AGPAT4: variants seen among roughly 807,000 people sequenced by gnomAD.
AGPAT4 encodes the protein 1-acylglycerol-3-phosphate O-acyltransferase 4.
A neutral mutation model predicts 48.0 loss-of-function variants in AGPAT4; 15 were observed. That is an observed-to-expected ratio of 0.31 (90% CI 0.21 to 0.48). The LOEUF (loss-of-function observed/expected upper bound fraction) is 0.48. Ranked by LOEUF, AGPAT4 falls within the 20% of genes least tolerant of loss-of-function variation. AGPAT4 has a pLI of 0.99. For synonymous variants in AGPAT4, 178 were observed against 198.7 expected (o/e 0.90, Z 0.88); for missense variants, 314 against 482.5 (o/e 0.65, Z 3.27).
intron 2 of AGPAT4, among the ~76,000 whole-genome samples, chr6:161,186,620 G>A (rs12209184): frequency 0.45 from 67,752 of 151,602 alleles, 15,596 homozygotes; most frequent in East Asian, 0.72. Context: ...ATGCCTTGCC[G>A]CCACTTCCTC....
Position 161,204,609 on chromosome 6 carries a change from G to T in AGPAT4, c.178+27427C>A, listed in dbSNP as rs142591626. Among the ~76,000 whole-genome samples the T allele has an allele frequency of 1.6e-4, 24 of 151,990 alleles. No individual in the cohort carries two copies. The highest frequency in any genetic ancestry group is 2.6e-4 in the Non-Finnish European group (18 of 68,010). On this transcript the variant is annotated intron_variant, in intron 2 of 8. Transcript: ENST00000320285. This position sits in a 1 kb window ranked among gnomAD's most constrained non-coding sequence, Gnocchi z 4.4. ...TTTAACTCTCCCAAATTTTACAAAT[G>T]TTAATTAAATCTCAAAAGGCAAACA...
At chr6:161,162,383 C>A (rs1335889491) in intron 3 of AGPAT4, among the ~76,000 whole-genome samples, 4 of 152,236 alleles carry the variant, frequency 2.6e-5, no homozygotes, top group Non-Finnish European at 5.9e-5. Context: ...CTTCATGGCT[C>A]CTGCCCCGGG....
intron 2 of AGPAT4, among the ~76,000 whole-genome samples, chr6:161,191,456 G>T (rs1219877041): frequency 6.6e-6 from 1 of 152,132 alleles, no homozygotes; most frequent in Non-Finnish European, 1.5e-5. Context: ...AGACCAAGGG[G>T]GCCAATCCCA....
chr6:161,194,383 C>T (rs570630263), intron 2 of AGPAT4, among the ~76,000 whole-genome samples: 6 of 152,136 alleles, frequency 3.9e-5, no homozygotes, highest in Non-Finnish European at 2.9e-5. Flanking sequence ...TGAGCTGCTC[C>T]TGTCTCCTCT....
At position 161,223,804 on chromosome 6, in the gene AGPAT4, G is replaced by A. The variant is rs1271684100; in HGVS notation, c.178+8232C>T. On this transcript the variant is annotated intron_variant, in intron 2 of 8. Coordinates refer to ENST00000320285, the MANE Select transcript of AGPAT4 (RefSeq NM_020133.3). The surrounding 1 kb of genome is among the most constrained non-coding windows in gnomAD (Gnocchi z 6.3). ...CAAAGTGAAAGGCTCTCCACTCAAA[G>A]ACCTCCTGGCCCCAATCTCTGCTCC... Among the ~76,000 whole-genome samples, 2 of 152,130 alleles carry A rather than the reference G, an allele frequency of 1.3e-5. No individual in the cohort carries two copies. Among genetic ancestry groups the A allele is most frequent in the Non-Finnish European group, 1.5e-5 (1 of 68,036 alleles).
At position 161,184,290 on chromosome 6, in the gene AGPAT4, G is replaced by T. The variant is rs1340688711; in HGVS notation, c.179-17873C>A. On this transcript the variant is annotated intron_variant, in intron 2 of 8. Transcript: ENST00000320285. This position sits in a 1 kb window ranked among gnomAD's most constrained non-coding sequence, Gnocchi z 4.8. The stretch of plus-strand genomic sequence containing the variant: ...CATATTTAGGATGATATATGCTACA[G>T]GCAGAGCCAGTGGAACTTGCTGTTG... 2.6e-5 allele frequency among the ~76,000 whole-genome samples: 4 copies of T among 152,108 alleles called. No homozygotes were observed. The highest frequency in any genetic ancestry group is 5.9e-5 in the Non-Finnish European group (4 of 68,026).
rs1237377305 is a variant in AGPAT4 at position 161,137,861 on chromosome 6, A to G, written c.1043-1227T>C. ...CTGCACCCCTCAGATGCTCCTGAAG[A>G]CTCCCTGTGTCCATACTGCACCCCT... On this transcript the variant is annotated intron_variant, in intron 8 of 8. Transcript: ENST00000320285. The surrounding 1 kb of genome is among the most constrained non-coding windows in gnomAD (Gnocchi z 6.1). Among the ~76,000 whole-genome samples, 1 of 149,518 alleles carries G rather than the reference A, an allele frequency of 6.7e-6. No homozygotes were observed. Among genetic ancestry groups the G allele is most frequent in the East Asian group, 2.0e-4 (1 of 5,066 alleles).
intron 2 of AGPAT4, among the ~76,000 whole-genome samples, chr6:161,213,199 C>G (rs909672681): frequency 2.6e-5 from 4 of 152,186 alleles, no homozygotes; most frequent in African/African-American, 9.6e-5. Context: ...TTAAAAAAGT[C>G]TTATCTGAGA....
intron 2 of AGPAT4, among the ~76,000 whole-genome samples, chr6:161,203,491 C>T (rs375469387): frequency 1.4e-5 from 2 of 148,038 alleles, no homozygotes; most frequent in South Asian, 2.1e-4. Context: ...TGGGTTCAAG[C>T]GATTCTCCTG....
intron 1 of AGPAT4, among the ~76,000 whole-genome samples, chr6:161,253,291 G>T (rs9458171): frequency 0.2 from 28,618 of 146,430 alleles, 3,000 homozygotes; most frequent in Admixed American, 0.32. Flanking sequence ...GTCTTGCGCT[G>T]TTGCCCAGGC....
At chr6:161,182,694 G>A (rs1410103691) in intron 2 of AGPAT4, among the ~76,000 whole-genome samples, 1 of 152,206 alleles carries the variant, frequency 6.6e-6, no homozygotes, top group Non-Finnish European at 1.5e-5. Context: ...CCTGGCTCCT[G>A]GAGCCTTCCA....
chr6:161,213,025 C>T (rs556305709), intron 2 of AGPAT4, among the ~76,000 whole-genome samples: 1 of 152,296 alleles, frequency 6.6e-6, no homozygotes. Flanking sequence ...TGGCCTCATA[C>T]CTTTGTCTAC....
At chr6:161,160,523 T>C (rs1465615375) in intron 3 of AGPAT4, 1 of 176,018 alleles carries the variant, frequency 5.7e-6, no homozygotes, top group East Asian at 1.4e-4. Flanking sequence ...TACGCGGGGT[T>C]CTTGCACTCC....
chr6:161,256,795 G>A (rs552920757), intron 1 of AGPAT4, among the ~76,000 whole-genome samples: 2 of 152,312 alleles, frequency 1.3e-5, no homozygotes, highest in East Asian at 1.9e-4. Context: ...GGAAAGAAAT[G>A]GGTTCATCAG....
Position 161,166,042 on chromosome 6 carries a change from T to C in AGPAT4, c.348+206A>G. 4.5e-6 allele frequency: 3 copies of C among 665,418 alleles called. No individual in the cohort carries two copies. The highest frequency in any genetic ancestry group is 7.8e-6 in the Non-Finnish European group (3 of 383,214). The allele number at this position is 665,418 out of a possible 1,614,324, so 41.2% of individuals were successfully genotyped here. A position where few individuals can be genotyped will look rare whatever the true frequency, so the allele number is the denominator to read the frequency against. Reference sequence around the variant, plus strand: ...ATGTAAAATGGCCGGCAGGTAGCAATTGTTGAGTACCTCTTATGATTGCCC... The same window carrying C: ...ATGTAAAATGGCCGGCAGGTAGCAACTGTTGAGTACCTCTTATGATTGCCC... On this transcript the variant is annotated intron_variant, in intron 3 of 8. Transcript: ENST00000320285. This position sits in a 1 kb window ranked among gnomAD's most constrained non-coding sequence, Gnocchi z 6.7.
intron 3 of AGPAT4, chr6:161,160,400 T>A (rs1050758128): frequency 6.5e-6 from 1 of 154,312 alleles, no homozygotes; most frequent in Non-Finnish European, 1.4e-5. Context: ...TGTATGCTGT[T>A]CCACAATTAG....
rs529364940 is a variant in AGPAT4 at position 161,143,797 on chromosome 6, A to G, written c.843+2727T>C. 3.3e-5 allele frequency among the ~76,000 whole-genome samples: 5 copies of G among 152,338 alleles called. No individual in the cohort carries two copies. Among genetic ancestry groups the G allele is most frequent in the Admixed American group, 1.3e-4 (2 of 15,304 alleles). On this transcript the variant is annotated intron_variant, in intron 7 of 8. Coordinates refer to ENST00000320285, the MANE Select transcript of AGPAT4 (RefSeq NM_020133.3). The surrounding 1 kb of genome is among the most constrained non-coding windows in gnomAD (Gnocchi z 4.7). ...AAGAGTATAACTGTGTCAGTGGTAGATGGCGAGTTTCTCTTTATTTATGTC... is the reference window on the plus strand; with the variant it reads ...AAGAGTATAACTGTGTCAGTGGTAGGTGGCGAGTTTCTCTTTATTTATGTC...
chr6:161,162,563 C>A (rs549911732), intron 3 of AGPAT4, among the ~76,000 whole-genome samples: 68 of 152,302 alleles, frequency 4.5e-4, no homozygotes, highest in African/African-American at 1.5e-3. Flanking sequence ...AGAGACCCTG[C>A]CAGATCCCCC....
At chr6:161,181,479 G>A (rs1780586990) in intron 2 of AGPAT4, among the ~76,000 whole-genome samples, 1 of 149,290 alleles carries the variant, frequency 6.7e-6, no homozygotes. Context: ...TGGGTATTAG[G>A]CCATGCAGAC....
Sources: gnomAD v4.1 joint callset for allele counts (sites outside exome capture counted in the v4.1 genomes callset) on GRCh38, gnomAD v4.1.1 for gene constraint, Gnocchi (gnomAD v3.1) non-coding constraint, MANE v1.5 for transcripts, NCBI Gene and HGNC (gene_info 2026-07-23, HGNC 2026-07-21) for gene names.